Variants in DLL1 observed in about 807,000 individuals in gnomAD.
The protein encoded by DLL1 is delta-like protein 1.
A neutral mutation model predicts 75.1 loss-of-function variants in DLL1; 9 were observed. The ratio of observed to expected loss-of-function variants is 0.12; its 90% CI spans 0.07 to 0.21. DLL1 has a LOEUF of 0.21. Ranked by LOEUF, DLL1 falls within the 10% of genes least tolerant of loss-of-function variation. DLL1 has a pLI of 1.00. For missense variants in DLL1, 837 were observed against 1,007.6 expected, an observed-to-expected ratio of 0.83 and a Z score of 2.29; for synonymous variants, 477 against 418.3, an observed-to-expected ratio of 1.14 and a Z score of -1.71.
At chr6:170,288,930 T>TC (rs754367848) in intron 2 of DLL1, 141 bp from the exon 3 acceptor site, 7 of 856,692 alleles carry the variant, frequency 8.2e-6, no homozygotes, top group Non-Finnish European at 1.2e-5. Context: ...GGAGAGGGTC[T>TC]CCACGCACCT....
chr6:170,284,670 T>C (rs763121814), intron 8 of DLL1, among the ~76,000 whole-genome samples: 4 of 152,216 alleles, frequency 2.6e-5, no homozygotes, highest in East Asian at 3.9e-4. Context: ...CCGAAGCACC[T>C]TGTGGCCCTG....
In DLL1 at chr6:170,282,890, A is replaced by G. The variant is rs368820071; in HGVS notation, c.2167-11T>C. The G allele has an allele frequency of 1.2e-6, 2 of 1,614,226 alleles. No individual in the cohort carries two copies. The highest frequency in any genetic ancestry group is 1.7e-6 in the Non-Finnish European group (2 of 1,180,052). ...ACTTCCATTTTACACCTGGGGGGCC[A>G]CAAGACAAATGGGAAGTTAGCCTGA... On this transcript the variant is annotated splice_polypyrimidine_tract_variant and intron_variant, in intron 10 of 10. Coordinates refer to ENST00000366756, the MANE Select transcript of DLL1 (RefSeq NM_005618.4).
Position 170,282,720 on chromosome 6 carries a change from G to A in DLL1, c.*154C>T. 3.0e-6 allele frequency: 4 copies of A among 1,313,686 alleles called. No individual in the cohort carries two copies. Among genetic ancestry groups the A allele is most frequent in the Non-Finnish European group, 4.4e-6 (4 of 914,092 alleles). 81.4% of individuals were successfully genotyped at this position (1,313,686 alleles called of 1,614,324 possible). A position where few individuals can be genotyped will look rare whatever the true frequency, so the allele number is the denominator to read the frequency against. On this transcript the variant is annotated 3_prime_UTR_variant, in exon 11 of 11. Coordinates refer to ENST00000366756, the MANE Select transcript of DLL1 (RefSeq NM_005618.4). ...GCGACAGGCTGTCGGCAGGCGTCGA[G>A]GACCTCAGGAGGAGAACCTGCTCGG...
Position 170,290,723 on chromosome 6 carries a change from G to A in DLL1, c.-584C>T. 1 of 356,404 alleles carries A rather than the reference G, an allele frequency of 2.8e-6. No homozygotes were observed. The highest frequency in any genetic ancestry group is 5.1e-6 in the Non-Finnish European group (1 of 195,700). 22.1% of individuals were successfully genotyped at this position (356,404 alleles called of 1,614,324 possible). A position where few individuals can be genotyped will look rare whatever the true frequency, so the allele number is the denominator to read the frequency against. ...CCGGTGTCACTCGGCGGCGGCGGTC[G>A]TTCCGGGAGCACTCCGGGCTCCGAT... On this transcript the variant is annotated 5_prime_UTR_variant, in exon 1 of 11. In the 5' UTR this introduces an upstream ATG that the reference lacks. Transcript: ENST00000366756. This position sits in a 1 kb window ranked among gnomAD's most constrained non-coding sequence, Gnocchi z 4.7.
Position 170,288,787 on chromosome 6 carries a change from G to C in DLL1, c.354C>G (p.Gly118=). 1 of 1,614,128 alleles carries C rather than the reference G, an allele frequency of 6.2e-7. No individual in the cohort carries two copies. The highest frequency in any genetic ancestry group is 8.5e-7 in the Non-Finnish European group (1 of 1,179,998). The part of the protein sequence containing the change: ...IRFPFGFTWP[G]TFSLIIEALH... ...GAGCTTCAATAATCAGAGAGAAGGT[G>C]CCCTGGGAGAGAGGGGAGAAGACGT... Residue 118 remains glycine, a splice_region_variant and synonymous_variant, in exon 3 of 11, where the codon GGC becomes GGG. Transcript: ENST00000366756.
chr6:170,288,078 G>C (rs1425577181), intron 4 of DLL1, 161 bp downstream of exon 4: 12 of 1,061,484 alleles, frequency 1.1e-5, no homozygotes, highest in Admixed American at 2.1e-5. Context: ...CCCCACTGAC[G>C]AGCTGTGACT....
Position 170,288,501 on chromosome 6 carries a change from G to A in DLL1, c.413-5C>T. On this transcript the variant is annotated splice_region_variant and splice_polypyrimidine_tract_variant and intron_variant, in intron 3 of 10. Coordinates refer to ENST00000366756, the MANE Select transcript of DLL1 (RefSeq NM_005618.4). ...TGATGAGTCTTTCTGGGTTTTCTAC[G>A]GGGAGAAGATGCTCCTGGTTGGTTC... 4 of 1,614,086 alleles carry A rather than the reference G, an allele frequency of 2.5e-6. No individual in the cohort carries two copies. The highest frequency in any genetic ancestry group is 2.2e-5 in the East Asian group (1 of 44,880).
chr6:170,282,902 G>C (rs1783591389), intron 10 of DLL1, 23 bp from the exon 11 acceptor site: 2 of 1,614,214 alleles, frequency 1.2e-6, no homozygotes, highest in South Asian at 2.2e-5. Context: ...AAGACAAATG[G>C]GAAGTTAGCC....
chr6:170,288,847 C>G, intron 2 of DLL1, 58 bp from the exon 3 acceptor site: 1 of 1,595,130 alleles, frequency 6.3e-7, no homozygotes, highest in Non-Finnish European at 8.6e-7. Flanking sequence ...AAGAAAACGG[C>G]AAAAAGCAGT....
In DLL1 at chr6:170,289,577, C is replaced by G; in HGVS notation, c.286G>C (p.Asp96His). Reference protein sequence around the residue: ...VLGVDSFSLPDGGGADSAFSN... With the variant: ...VLGVDSFSLPHGGGADSAFSN... ...AACGCGGAGTCGGCGCCCCCGCCGT[C>G]GGGCAGACTGAAGGAGTCGACGCCC... Residue 96 changes from aspartate (D) to histidine (H), a missense_variant, in exon 2 of 11, where the codon GAC (aspartate) becomes CAC (histidine). Physicochemically the swap from Asp to His is moderately conservative, Grantham distance 81. Coordinates refer to ENST00000366756, the MANE Select transcript of DLL1 (RefSeq NM_005618.4). The G allele has an allele frequency of 6.5e-7, 1 of 1,535,324 alleles. No individual in the cohort carries two copies. The highest frequency in any genetic ancestry group is 2.4e-5 in the East Asian group (1 of 40,874).
Position 170,287,693 on chromosome 6 carries a change from C to T in DLL1, c.670+546G>A, listed in dbSNP as rs186689370. Among the ~76,000 whole-genome samples the T allele has an allele frequency of 1.3e-3, 193 of 152,360 alleles. 1 individual carries two copies. The highest frequency in any genetic ancestry group is 4.4e-3 in the African/African-American group (181 of 41,586). On this transcript the variant is annotated intron_variant, in intron 4 of 10. Transcript: ENST00000366756. The stretch of plus-strand genomic sequence containing the variant: ...CACACAGGCCTTGGAGACCTGGCCT[C>T]AGCAGCCCACAGGAGTGAAAGCCTG...
chr6:170,285,812 G>T, intron 5 of DLL1, 113 bp from the exon 6 acceptor site: 1 of 1,477,620 alleles, frequency 6.8e-7, no homozygotes, highest in South Asian at 1.1e-5. Flanking sequence ...TGGTTCTCCA[G>T]ATTAGCAGAA....
In DLL1 at chr6:170,289,973, C is replaced by G. The variant is rs949562231; in HGVS notation, c.54+113G>C. 19 of 1,333,592 alleles carry G rather than the reference C, an allele frequency of 1.4e-5. No homozygotes were observed. The Admixed American group carries it at 4.8e-4, about 34-fold the overall frequency. 82.6% of individuals were successfully genotyped at this position (1,333,592 alleles called of 1,614,324 possible). A position where few individuals can be genotyped will look rare whatever the true frequency, so the allele number is the denominator to read the frequency against. Reference sequence around the variant, plus strand: ...TCGCCCCCGGGATTCATCTTCCGGGCCGTGGCTGGCGCGGCCCGTGCCGCT... The same window carrying G: ...TCGCCCCCGGGATTCATCTTCCGGGGCGTGGCTGGCGCGGCCCGTGCCGCT... On this transcript the variant is annotated intron_variant, in intron 1 of 10. Coordinates refer to ENST00000366756, the MANE Select transcript of DLL1 (RefSeq NM_005618.4).
In DLL1 at chr6:170,290,699, C is replaced by T; in HGVS notation, c.-560G>A. 3.0e-6 allele frequency: 1 copy of T among 328,756 alleles called. No individual in the cohort carries two copies. Among genetic ancestry groups the T allele is most frequent in the Non-Finnish European group, 5.6e-6 (1 of 178,870 alleles). 20.4% of individuals were successfully genotyped at this position (328,756 alleles called of 1,614,324 possible). On this transcript the variant is annotated 5_prime_UTR_variant, in exon 1 of 11. Transcript: ENST00000366756. The surrounding 1 kb of genome is among the most constrained non-coding windows in gnomAD (Gnocchi z 4.7). ...GCGGCGGCCCCTGCGGATCGCGGCC[C>T]GGTGTCACTCGGCGGCGGCGGTCGT...
chr6:170,288,919 T>A, intron 2 of DLL1, 130 bp from the exon 3 acceptor site: 1 of 990,508 alleles, frequency 1.0e-6, no homozygotes, highest in Admixed American at 1.8e-5. Context: ...GCAGCGTGTC[T>A]GGAGAGGGTC....
rs1783803392 is a variant in DLL1 at position 170,289,643 on chromosome 6, C to T, written c.220G>A (p.Glu74Lys). ...GCGCTGCCGTAGGTGCAGGGCGGCT[C>T]GGGGGACACGCTGGCCTGGTAGTGC... The part of the protein sequence containing the change: ...LKHYQASVSP[E>K]PPCTYGSAVT... The change falls in exon 2 of 11, where the codon GAG becomes AAG. Residue 74 changes from glutamate (E) to lysine (K), a missense_variant. Glu to Lys is a moderately conservative substitution (Grantham distance 56, BLOSUM62 1). Coordinates refer to ENST00000366756, the MANE Select transcript of DLL1 (RefSeq NM_005618.4). 1.9e-6 allele frequency: 3 copies of T among 1,539,122 alleles called. No individual in the cohort carries two copies. Among genetic ancestry groups the T allele is most frequent in the South Asian group, 2.4e-5 (2 of 84,012 alleles).
At chr6:170,287,504 A>G (rs955877597) in intron 4 of DLL1, among the ~76,000 whole-genome samples, 1 of 152,244 alleles carries the variant, frequency 6.6e-6, no homozygotes, top group Admixed American at 6.5e-5. Context: ...ACCAGGAGCC[A>G]GCACGGCCCC....
chr6:170,284,132 A>G (rs1464669327), intron 8 of DLL1, 103 bp from the exon 9 acceptor site: 1 of 1,453,566 alleles, frequency 6.9e-7, no homozygotes, highest in Non-Finnish European at 9.3e-7. Flanking sequence ...AACCAGACAA[A>G]CCAAAGACAG....
chr6:170,282,885 G>A lies in DLL1; in HGVS notation c.2167-6C>T, dbSNP rs1365695340. ...ATCTCACTTCCATTTTACACCTGGG[G>A]GGCCACAAGACAAATGGGAAGTTAG... On this transcript the variant is annotated splice_polypyrimidine_tract_variant and splice_region_variant and intron_variant, in intron 10 of 10. Transcript: ENST00000366756. 46 of 1,614,034 alleles carry A rather than the reference G, an allele frequency of 2.9e-5. No individual in the cohort carries two copies. Among genetic ancestry groups the A allele is most frequent in the Non-Finnish European group, 3.6e-5 (43 of 1,180,042 alleles).
Sources: gnomAD v4.1 joint callset for allele counts (sites outside exome capture counted in the v4.1 genomes callset) on GRCh38, gnomAD v4.1.1 for gene constraint, Gnocchi (gnomAD v3.1) non-coding constraint, MANE v1.5 for transcripts, NCBI Gene and HGNC (gene_info 2026-07-23, HGNC 2026-07-21) for gene names.